BRWD1: variants seen among roughly 807,000 people sequenced by gnomAD.
BRWD1 encodes the protein bromodomain and WD repeat-containing protein 1.
Under a neutral mutation model 251.2 loss-of-function variants are expected in BRWD1, and 82 were observed. The observed-to-expected ratio is 0.33, with a 90% CI of 0.27 to 0.39. The LOEUF is 0.39. Ranked by LOEUF, BRWD1 falls within the 10% of genes least tolerant of loss-of-function variation. The probability of loss-of-function intolerance (pLI) is 1.00; values close to 1 mark genes in which losing one functional copy is unlikely to be tolerated. For synonymous variants in BRWD1, 918 were observed against 902.8 expected (o/e 1.02, Z -0.30); for missense variants, 2,233 against 2,711.6 (o/e 0.82, Z 3.92).
At position 39,196,266 on chromosome 21, in the gene BRWD1, G is replaced by A; in HGVS notation, c.6803C>T (p.Thr2268Ile). 6.3e-7 allele frequency: 1 copy of A among 1,595,102 alleles called. No individual in the cohort carries two copies. Residue 2268 changes from threonine to isoleucine, a missense_variant, in exon 41 of 41, where the codon ACC becomes ATC. Thr to Ile is a moderately conservative substitution (Grantham distance 89, BLOSUM62 -1). Coordinates refer to ENST00000342449, the MANE Select transcript of BRWD1 (RefSeq NM_033656.4). Reference protein sequence around the residue: ...LENVLDFNGCTL With the variant: ...LENVLDFNGCIL ...ACTGGCTTTCCCTCAAGGTCATAAG[G>A]TGCAACCATTGAAATCTAACACATT... is the stretch of plus-strand genomic sequence containing the variant.
At chr21:39,244,907 G>A (rs2034124528) in intron 21 of BRWD1, among the ~76,000 whole-genome samples, 1 of 68,918 alleles carries the variant, frequency 1.5e-5, no homozygotes, top group Non-Finnish European at 3.3e-5. Context: ...GTTACATATA[G>A]AAACTTTGGA....
intron 20 of BRWD1, among the ~76,000 whole-genome samples, chr21:39,250,025 G>A (rs920338403): frequency 3.3e-5 from 5 of 151,698 alleles, no homozygotes; most frequent in Admixed American, 1.3e-4. Context: ...GAAGCTGGAA[G>A]GTTTAGCAAG....
chr21:39,225,025 T>C, intron 28 of BRWD1, 61 bp downstream of exon 28: 2 of 1,231,638 alleles, frequency 1.6e-6, no homozygotes, highest in Middle Eastern at 1.9e-4. Flanking sequence ...ATGTATTATT[T>C]ATACAGCAAC....
At chr21:39,210,351 T>A (rs2032601440) in intron 35 of BRWD1, among the ~76,000 whole-genome samples, 2 of 152,200 alleles carry the variant, frequency 1.3e-5, no homozygotes, top group Admixed American at 1.3e-4. Flanking sequence ...TATTTATTGT[T>A]AGTGACACAT....
intron 12 of BRWD1, 101 bp from the exon 13 acceptor site, chr21:39,274,573 A>AGG: frequency 1.1e-6 from 1 of 930,614 alleles, no homozygotes; most frequent in Non-Finnish European, 1.7e-6. Flanking sequence ...AAGCTGTCCT[A>AGG]ACAACAGGAC....
rs1389559580 is a variant in BRWD1 at position 39,268,070 on chromosome 21, T to C, written c.1530+1829A>G. On this transcript the variant is annotated intron_variant, in intron 15 of 40. Transcript: ENST00000342449. ...GTGCAAAGACACCAACTAATAAATA[T>C]GGAAGGAATAATGCCATTGGAAAAT... Among the ~76,000 whole-genome samples, 2 of 152,142 alleles carry C rather than the reference T, an allele frequency of 1.3e-5. 1 individual carries two copies. Among genetic ancestry groups the C allele is most frequent in the South Asian group, 4.1e-4 (2 of 4,824 alleles).
At chr21:39,222,428 G>A (rs1315228335) in intron 29 of BRWD1, among the ~76,000 whole-genome samples, 1 of 152,162 alleles carries the variant, frequency 6.6e-6, no homozygotes, top group African/African-American at 2.4e-5. Context: ...TTCCACAGCT[G>A]AGGTAAGGAA....
intron 29 of BRWD1, among the ~76,000 whole-genome samples, chr21:39,223,343 G>C (rs2033255787): frequency 6.6e-6 from 1 of 151,814 alleles, no homozygotes; most frequent in Admixed American, 6.6e-5. Context: ...ATATTGAAGA[G>C]AAATATCAAA....
chr21:39,309,652 G>A (rs980357058), intron 4 of BRWD1, among the ~76,000 whole-genome samples: 10 of 151,340 alleles, frequency 6.6e-5, no homozygotes, highest in African/African-American at 2.2e-4. Flanking sequence ...GTGAAACCCC[G>A]CCTCTACTAA....
At chr21:39,271,275 G>A (rs1285617693) in intron 13 of BRWD1, among the ~76,000 whole-genome samples, 1 of 152,146 alleles carries the variant, frequency 6.6e-6, no homozygotes, top group Non-Finnish European at 1.5e-5. Flanking sequence ...CTGGGTGACA[G>A]AGCAAGACTA....
At chr21:39,224,875 C>G (rs1226460479) in intron 28 of BRWD1, among the ~76,000 whole-genome samples, 3 of 151,980 alleles carry the variant, frequency 2.0e-5, no homozygotes, top group Admixed American at 6.6e-5. Context: ...GAAATAGTTC[C>G]AGGAAAGCAA....
Position 39,202,364 on chromosome 21 carries a change from T to C in BRWD1, c.4546A>G (p.Lys1516Glu), listed in dbSNP as rs759872209. Residue 1516 changes from lysine to glutamate, a missense_variant, in exon 38 of 41, where the codon AAA becomes GAA. This residue lies in a region of BRWD1 where 928 missense variants were observed against 970.0 expected (regional missense o/e 0.96). Coordinates refer to ENST00000342449, the MANE Select transcript of BRWD1 (RefSeq NM_033656.4). ...SDSAESSERR[K>E]RNRPITNGST... The stretch of plus-strand genomic sequence containing the variant: ...CCATTTGTTATAGGTCTATTTCTTT[T>C]CCTCCTTTCTGATGATTCTGCTGAA... 4 of 1,613,752 alleles carry C rather than the reference T, an allele frequency of 2.5e-6. No homozygotes were observed. Among genetic ancestry groups the C allele is most frequent in the Admixed American group, 1.7e-5 (1 of 60,018 alleles).
At position 39,225,115 on chromosome 21, in the gene BRWD1, A is replaced by G. The variant is rs140081715; in HGVS notation, c.3291T>C (p.Pro1097=). ...LSQEPYQPQY[P]DSHFQCYIVR... ...CAATATAACACTGGAAATGACTATCAGGATACTGTGGTTGATATGGCTCTT... is the reference window on the plus strand; with the variant it reads ...CAATATAACACTGGAAATGACTATCGGGATACTGTGGTTGATATGGCTCTT... Residue 1097 remains proline, a synonymous_variant, in exon 28 of 41, where the codon CCT becomes CCC. Transcript: ENST00000342449. 1.1e-4 allele frequency: 173 copies of G among 1,611,086 alleles called. 2 individuals are homozygous for G. The East Asian group carries it at 3.5e-3, about 32-fold the overall frequency.
intron 8 of BRWD1, among the ~76,000 whole-genome samples, chr21:39,292,132 T>TGG (rs1182694435): frequency 0.11 from 1,372 of 12,330 alleles, 136 homozygotes; most frequent in Middle Eastern, 0.18. Context: ...TGGGTGGGGG[T>TGG]GGGGGGGGGG....
chr21:39,187,577 A>G lies in BRWD1; in HGVS notation c.*8682T>C, dbSNP rs1446445301. ...AATGTGATACTAAGGGCTTCTTCACATTGATATAACCTTACATTTGCTTAT... is the reference window on the plus strand; with the variant it reads ...AATGTGATACTAAGGGCTTCTTCACGTTGATATAACCTTACATTTGCTTAT... On this transcript the variant is annotated 3_prime_UTR_variant, in exon 41 of 41. Transcript: ENST00000342449. 7 of 984,980 alleles carry G rather than the reference A, an allele frequency of 7.1e-6. No individual in the cohort carries two copies. Among genetic ancestry groups the G allele is most frequent in the Non-Finnish European group, 8.4e-6 (7 of 829,618 alleles). The allele number at this position is 984,980 out of a possible 1,614,324, so 61.0% of individuals were successfully genotyped here.
chr21:39,289,385 AATT>A (rs1345959819), intron 8 of BRWD1, among the ~76,000 whole-genome samples: 1 of 152,190 alleles, frequency 6.6e-6, no homozygotes, highest in Non-Finnish European at 1.5e-5. Flanking sequence ...TTCATTCTTT[AATT>A]CCATATGTAT....
intron 21 of BRWD1, among the ~76,000 whole-genome samples, chr21:39,240,498 A>T (rs1259665876): frequency 6.6e-6 from 1 of 152,218 alleles, no homozygotes; most frequent in African/African-American, 2.4e-5. Flanking sequence ...TGTCCCTAAG[A>T]AAAAGAAAAA....
intron 29 of BRWD1, among the ~76,000 whole-genome samples, chr21:39,223,336 T>C (rs2033255562): frequency 6.6e-6 from 1 of 152,122 alleles, no homozygotes; most frequent in Admixed American, 6.6e-5. Context: ...AGAGTACATA[T>C]TGAAGAGAAA....
chr21:39,242,648 T>C (rs971180321), intron 21 of BRWD1, among the ~76,000 whole-genome samples: 2 of 152,192 alleles, frequency 1.3e-5, no homozygotes, highest in African/African-American at 4.8e-5. Flanking sequence ...CTAGAGGGAC[T>C]TATGGCTTCA....
Sources: gnomAD v4.1 joint callset for allele counts (sites outside exome capture counted in the v4.1 genomes callset) on GRCh38, gnomAD v4.1.1 for gene constraint, gnomAD v4.1.1 regional missense constraint, MANE v1.5 for transcripts, NCBI Gene and HGNC (gene_info 2026-07-23, HGNC 2026-07-21) for gene names.